Variants in COG2 observed in about 807,000 individuals in gnomAD.
COG2 encodes the protein conserved oligomeric Golgi complex subunit 2.
COG2 carries 52 observed loss-of-function variants against 90.6 expected under a neutral mutation model. The observed-to-expected ratio is 0.57, with a 90% confidence interval of 0.46 to 0.72. The LOEUF (loss-of-function observed/expected upper bound fraction) is 0.72, where lower values mean the gene tolerates loss of function less well. Among genes scored for constraint, COG2 ranks in the 30% least tolerant of loss-of-function variants. COG2 has a pLI of 0.00. For synonymous variants in COG2, 337 were observed against 320.4 expected (o/e 1.05, Z -0.55); for missense variants, 829 against 891.2 (o/e 0.93, Z 0.89).
At chr1:230,649,290 G>T (rs1001001267) in intron 1 of COG2, among the ~76,000 whole-genome samples, 10 of 152,160 alleles carry the variant, frequency 6.6e-5, no homozygotes, top group African/African-American at 1.7e-4. Flanking sequence ...GACTAACTGG[G>T]TCATGTGTCA....
rs1332203972 is a variant in COG2, at chr1:230,693,793, G to A, written c.*400G>A. 2 of 153,502 alleles carry A rather than the reference G, an allele frequency of 1.3e-5. No individual in the cohort carries two copies. Among genetic ancestry groups the A allele is most frequent in the Admixed American group, 1.3e-4 (2 of 15,310 alleles). 9.5% of individuals were successfully genotyped at this position (153,502 alleles called of 1,614,324 possible). The stretch of plus-strand genomic sequence containing the variant: ...GAAGTGACGACTGTAATGGAATGAT[G>A]TCTTGTATAGAAATGCCCTTCTCTG... On this transcript the variant is annotated 3_prime_UTR_variant, in exon 18 of 18. Coordinates refer to ENST00000366669, the MANE Select transcript of COG2 (RefSeq NM_007357.3).
intron 8 of COG2, among the ~76,000 whole-genome samples, chr1:230,673,574 A>G (rs1408574840): frequency 6.6e-6 from 1 of 152,230 alleles, no homozygotes; most frequent in African/African-American, 2.4e-5. Context: ...GAATGAGGAA[A>G]TGTTGTCATT....
Position 230,664,581 on chromosome 1 carries a change from C to A in COG2, c.479C>A (p.Ala160Glu). Reference protein sequence around the residue: ...QSSKETSALEASSPLLTGQIL... With the variant: ...QSSKETSALEESSPLLTGQIL... ...TCTAAAGAAACCTCTGCACTAGAAG[C>A]AAGCAGGTAAGTATTTTTTATTAAA... Residue 160 changes from alanine (A) to glutamate (E), a missense_variant, in exon 5 of 18, where the codon GCA becomes GAA. By Grantham distance (107) the Ala-to-Glu change is moderately radical (BLOSUM62 -1). Coordinates refer to ENST00000366669, the MANE Select transcript of COG2 (RefSeq NM_007357.3). The A allele has an allele frequency of 6.7e-7, 1 of 1,500,472 alleles. No homozygotes were observed. The highest frequency in any genetic ancestry group is 9.0e-7 in the Non-Finnish European group (1 of 1,105,028). 92.9% of individuals were successfully genotyped at this position (1,500,472 alleles called of 1,614,324 possible).
intron 1 of COG2, 104 bp from the exon 2 acceptor site, chr1:230,659,360 G>C: frequency 1.1e-6 from 1 of 926,248 alleles, no homozygotes; most frequent in Non-Finnish European, 1.7e-6. Context: ...GCATGGCCTT[G>C]TAAATGACGG....
Position 230,642,622 on chromosome 1 carries a change from A to C in COG2, c.16A>C (p.Met6Leu). MEKSR[M>L]NLPKGPDTLC... Reference sequence around the variant, plus strand: ...GGCCGGCGGGATGGAGAAAAGTAGGATGAACCTGCCCAAGGGGCCGGACAC... The same window carrying C: ...GGCCGGCGGGATGGAGAAAAGTAGGCTGAACCTGCCCAAGGGGCCGGACAC... Residue 6 changes from methionine (M) to leucine (L), a missense_variant, in exon 1 of 18, where the codon ATG becomes CTG. Coordinates refer to ENST00000366669, the MANE Select transcript of COG2 (RefSeq NM_007357.3). The C allele has an allele frequency of 1.9e-6, 3 of 1,613,052 alleles. No individual in the cohort carries two copies. Among genetic ancestry groups the C allele is most frequent in the Non-Finnish European group, 2.5e-6 (3 of 1,179,586 alleles).
Position 230,652,191 on chromosome 1 carries a change from G to C in COG2, c.73-7273G>C, listed in dbSNP as rs569843580. Among the ~76,000 whole-genome samples, 3 of 69,830 alleles carry C rather than the reference G, an allele frequency of 4.3e-5. No individual in the cohort carries two copies. The East Asian group carries it at 6.5e-3, about 150-fold the overall frequency. The allele number at this position is 69,830 out of a possible 152,430, so 45.8% of individuals were successfully genotyped here. A position where few individuals can be genotyped will look rare whatever the true frequency, so the allele number is the denominator to read the frequency against. On this transcript the variant is annotated intron_variant, in intron 1 of 17. Coordinates refer to ENST00000366669, the MANE Select transcript of COG2 (RefSeq NM_007357.3). ...TGTCCATTCTTCCCCTCCTCTCCCGGCACCTTCAGCACCACCACCCTCCCA... is the reference window on the plus strand; with the variant it reads ...TGTCCATTCTTCCCCTCCTCTCCCGCCACCTTCAGCACCACCACCCTCCCA...
At chr1:230,654,780 G>A (rs961067855) in intron 1 of COG2, among the ~76,000 whole-genome samples, 47 of 152,120 alleles carry the variant, frequency 3.1e-4, no homozygotes, top group Non-Finnish European at 3.5e-4. Flanking sequence ...CTTGAGCAGC[G>A]GTTTGTAGTT....
At chr1:230,655,926 T>G (rs1461089768) in intron 1 of COG2, among the ~76,000 whole-genome samples, 1 of 152,222 alleles carries the variant, frequency 6.6e-6, no homozygotes, top group African/African-American at 2.4e-5. Context: ...TCTGTATTTC[T>G]GTGGAATGGG....
intron 17 of COG2, among the ~76,000 whole-genome samples, chr1:230,692,454 C>G (rs1009938994): frequency 6.6e-6 from 1 of 151,928 alleles, no homozygotes; most frequent in Non-Finnish European, 1.5e-5. Flanking sequence ...CTTTTTTCTG[C>G]TTTGAGATGA....
In COG2 at chr1:230,660,747, T is replaced by G; in HGVS notation, c.235-11T>G. 6.4e-7 allele frequency: 1 copy of G among 1,572,078 alleles called. No homozygotes were observed. The highest frequency in any genetic ancestry group is 2.3e-5 in the East Asian group (1 of 42,694). On this transcript the variant is annotated splice_polypyrimidine_tract_variant and intron_variant, in intron 2 of 17. Transcript: ENST00000366669. Reference sequence around the variant, plus strand: ...GTGAGGTGTGTGTGCCAACATGATTTCTGCCTTTAGGTTGGCATGGACAAA... The same window carrying G: ...GTGAGGTGTGTGTGCCAACATGATTGCTGCCTTTAGGTTGGCATGGACAAA...
Position 230,686,963 on chromosome 1 carries a change from G to C in COG2, c.1409G>C (p.Ser470Thr), listed in dbSNP as rs755731081. 1 of 1,591,288 alleles carries C rather than the reference G, an allele frequency of 6.3e-7. No individual in the cohort carries two copies. The highest frequency in any genetic ancestry group is 1.1e-5 in the South Asian group (1 of 87,364). Residue 470 changes from serine to threonine, a missense_variant, in exon 13 of 18, where the codon AGT (serine) becomes ACT (threonine). Transcript: ENST00000366669. ...ELSLRPISNE[S>T]PKEIKKPLVT... ...TCACTCAGGCCCATTTCTAATGAAA[G>C]TCCCAAGGAGATCAAGAAACCTTTG...
At chr1:230,693,217 T>G in intron 17 of COG2, 75 bp from the exon 18 acceptor site, 1 of 878,836 alleles carries the variant, frequency 1.1e-6, no homozygotes, top group Non-Finnish European at 1.9e-6. Flanking sequence ...AGGATGAAGA[T>G]TTTCTTTCTT....
In COG2 at chr1:230,659,628, A is replaced by C; in HGVS notation, c.234+3A>C. On this transcript the variant is annotated splice_donor_region_variant and intron_variant, in intron 2 of 17. Coordinates refer to ENST00000366669, the MANE Select transcript of COG2 (RefSeq NM_007357.3). ...TTGTCAATCTTTCAACAAACTTGGT[A>C]AACTTTAAATCCACGGTCCCATTTA... is the stretch of plus-strand genomic sequence containing the variant. The C allele has an allele frequency of 6.2e-7, 1 of 1,612,826 alleles. No individual in the cohort carries two copies. The highest frequency in any genetic ancestry group is 8.5e-7 in the Non-Finnish European group (1 of 1,179,516).
chr1:230,689,439 T>C (rs1280809286), intron 15 of COG2, among the ~76,000 whole-genome samples: 1 of 152,224 alleles, frequency 6.6e-6, no homozygotes, highest in East Asian at 1.9e-4. Flanking sequence ...TCATTCACTC[T>C]GCTAGACACT....
chr1:230,693,207 A>G (rs896914349), intron 17 of COG2, 85 bp from the exon 18 acceptor site: 34 of 781,614 alleles, frequency 4.3e-5, no homozygotes, highest in Non-Finnish European at 7.1e-5. Flanking sequence ...GGTTTAGTAG[A>G]GGATGAAGAT....
Position 230,688,523 on chromosome 1 carries a change from C to A in COG2, c.1755C>A (p.Ser585Arg). The change falls in exon 15 of 18, where the codon AGC (serine) becomes AGA (arginine). Residue 585 changes from serine (S) to arginine (R), a missense_variant. Physicochemically the swap from Ser to Arg is moderately radical, Grantham distance 110. Transcript: ENST00000366669. ...LSDSCFGFLK[S>R]ALEVPRLYRR... ...ACTCTTGCTTCGGTTTCCTAAAAAG[C>A]GCCCTGGAGGTTCCCAGGCTTTACC... The A allele has an allele frequency of 6.2e-7, 1 of 1,614,098 alleles. No homozygotes were observed. The highest frequency in any genetic ancestry group is 1.1e-5 in the South Asian group (1 of 91,070).
intron 11 of COG2, 82 bp downstream of exon 11, chr1:230,683,717 T>G (rs1347579001): frequency 4.5e-6 from 4 of 879,706 alleles, no homozygotes; most frequent in African/African-American, 4.0e-5. Context: ...TGCAGTATTC[T>G]GAGCGTACTT....
At chr1:230,672,486 G>A (rs1353872125) in intron 8 of COG2, among the ~76,000 whole-genome samples, 1 of 151,884 alleles carries the variant, frequency 6.6e-6, no homozygotes, top group Non-Finnish European at 1.5e-5. Context: ...TTGTTTTCCT[G>A]TCAAACTGCC....
intron 1 of COG2, among the ~76,000 whole-genome samples, chr1:230,643,485 C>T (rs961123365): frequency 1.3e-5 from 2 of 152,182 alleles, no homozygotes; most frequent in African/African-American, 4.8e-5. Context: ...CTTTTAGTAG[C>T]TGCTTTCAGT....
Sources: allele counts gnomAD v4.1 joint callset (sites outside exome capture counted in the v4.1 genomes callset), GRCh38; gene constraint gnomAD v4.1.1; transcripts MANE v1.5; gene names NCBI Gene and HGNC (gene_info 2026-07-23, HGNC 2026-07-21).